The following PRKCZ variants were observed in gnomAD, a reference collection of about 807,000 sequenced individuals.
PRKCZ encodes protein kinase C zeta, also known as protein kinase C zeta type.
In PRKCZ, 33 loss-of-function variants were observed where a neutral mutation model predicts 79.5. The observed-to-expected ratio is 0.41, with a 90% CI of 0.31 to 0.55. The LOEUF (loss-of-function observed/expected upper bound fraction) is 0.55, where lower values mean the gene tolerates loss of function less well. Among genes scored for constraint, PRKCZ ranks in the 20% least tolerant of loss-of-function variants. PRKCZ has a pLI of 0.19. For missense variants in PRKCZ, 578 were observed against 813.5 expected, an observed-to-expected ratio of 0.71 and a Z score of 3.52; for synonymous variants, 342 against 320.9, an observed-to-expected ratio of 1.07 and a Z score of -0.70.
chr1:2,059,391 G>C, intron 3 of PRKCZ, 150 bp from the exon 4 acceptor site: 1 of 903,410 alleles, frequency 1.1e-6, no homozygotes, highest in South Asian at 1.5e-5. Flanking sequence ...GGGGTTTTGC[G>C]TCTCCCAGGA....
chr1:2,108,732 C>T (rs1450037681), intron 4 of PRKCZ, among the ~76,000 whole-genome samples: 3 of 152,242 alleles, frequency 2.0e-5, no homozygotes, highest in East Asian at 3.8e-4. Context: ...CACCCCCTGC[C>T]TGTCCGTCTT....
In PRKCZ at chr1:2,082,182, C is replaced by T. The variant is rs1663664923; in HGVS notation, c.334+22591C>T. ...ACGCGTCAGACGGGTTCTTTGCAGC[C>T]CTTGGCAGCGTCGCCCGCTCTGTCC... On this transcript the variant is annotated intron_variant, in intron 4 of 17. Coordinates refer to ENST00000378567, the MANE Select transcript of PRKCZ (RefSeq NM_002744.6). This position sits in a 1 kb window ranked among gnomAD's most constrained non-coding sequence, Gnocchi z 4.4. 2.0e-5 allele frequency: 7 copies of T among 348,560 alleles called. No homozygotes were observed. The highest frequency in any genetic ancestry group is 8.6e-5 in the African/African-American group (4 of 46,520). The allele number at this position is 348,560 out of a possible 1,614,324, so 21.6% of individuals were successfully genotyped here.
At chr1:2,132,802 G>T (rs565937941) in intron 4 of PRKCZ, among the ~76,000 whole-genome samples, 32 of 152,328 alleles carry the variant, frequency 2.1e-4, no homozygotes, top group African/African-American at 7.5e-4. Context: ...TCTCTGAGGG[G>T]CCTAGTGTGT....
chr1:2,107,750 T>C (rs1442294818), intron 4 of PRKCZ, among the ~76,000 whole-genome samples: 4 of 152,190 alleles, frequency 2.6e-5, no homozygotes, highest in Non-Finnish European at 5.9e-5. Context: ...CCTTCGGCAG[T>C]GTCGAGGGAG....
At chr1:2,059,475 C>T (rs1445467479) in intron 3 of PRKCZ, 66 bp from the exon 4 acceptor site, 1 of 1,587,414 alleles carries the variant, frequency 6.3e-7, no homozygotes. Context: ...GGCGGGACTT[C>T]CTCCGTGAGA....
chr1:2,090,951 TATC>T (rs1475593201), intron 4 of PRKCZ, among the ~76,000 whole-genome samples: 7 of 152,372 alleles, frequency 4.6e-5, no homozygotes, highest in East Asian at 3.9e-4. Context: ...ACGTCTTAAA[TATC>T]ATCTTTTCAA....
In PRKCZ at chr1:2,075,989, G is replaced by A. The variant is rs1020407081; in HGVS notation, c.334+16398G>A. On this transcript the variant is annotated intron_variant, in intron 4 of 17. Transcript: ENST00000378567. The surrounding 1 kb of genome is among the most constrained non-coding windows in gnomAD (Gnocchi z 4.8). Reference sequence around the variant, plus strand: ...GCGGGAGGACCATCCATGGGGTCAGGCACCAACCTCTGCTGAGGATCCCAA... The same window carrying A: ...GCGGGAGGACCATCCATGGGGTCAGACACCAACCTCTGCTGAGGATCCCAA... 1.3e-5 allele frequency among the ~76,000 whole-genome samples: 2 copies of A among 152,254 alleles called. No homozygotes were observed. Among genetic ancestry groups the A allele is most frequent in the Non-Finnish European group, 2.9e-5 (2 of 68,044 alleles).
At chr1:2,102,509 T>C (rs1178679380) in intron 4 of PRKCZ, among the ~76,000 whole-genome samples, 1 of 151,774 alleles carries the variant, frequency 6.6e-6, no homozygotes, top group East Asian at 1.9e-4. Context: ...ATTTTTTGTA[T>C]TTTTAGTAGA....
At chr1:2,062,593 G>A (rs1460318033) in intron 4 of PRKCZ, among the ~76,000 whole-genome samples, 2 of 150,844 alleles carry the variant, frequency 1.3e-5, no homozygotes, top group South Asian at 2.1e-4. Context: ...AGGCTCAAGC[G>A]GTCCTCATGC....
At chr1:2,063,399 A>G (rs1553130384) in intron 4 of PRKCZ, among the ~76,000 whole-genome samples, 1 of 151,776 alleles carries the variant, frequency 6.6e-6, no homozygotes, top group Non-Finnish European at 1.5e-5. Flanking sequence ...TGCAGCCTCC[A>G]TCTCCTGGGC....
At chr1:2,055,703 C>G in intron 2 of PRKCZ, 141 bp downstream of exon 2, 1 of 1,280,996 alleles carries the variant, frequency 7.8e-7, no homozygotes, top group Non-Finnish European at 1.0e-6. Context: ...CAACTTTTCC[C>G]CAGTGGGGAT....
At chr1:2,144,978 G>A (rs1292218114) in intron 6 of PRKCZ, 2 of 152,818 alleles carry the variant, frequency 1.3e-5, no homozygotes, top group Non-Finnish European at 2.9e-5. Flanking sequence ...GGTGTGTCTG[G>A]GGAGGGTGGC....
At chr1:2,099,671 G>A (rs888625716) in intron 4 of PRKCZ, among the ~76,000 whole-genome samples, 1 of 152,148 alleles carries the variant, frequency 6.6e-6, no homozygotes, top group Non-Finnish European at 1.5e-5. Context: ...ACAGAGGGGA[G>A]CTCACTGGAC....
At chr1:2,133,330 T>C (rs1675380551) in intron 4 of PRKCZ, among the ~76,000 whole-genome samples, 1 of 149,164 alleles carries the variant, frequency 6.7e-6, no homozygotes, top group Non-Finnish European at 1.5e-5. Flanking sequence ...GTCCCTCGGC[T>C]CCGCCCCCAG....
chr1:2,095,928 C>T (rs541770783), intron 4 of PRKCZ, among the ~76,000 whole-genome samples: 59 of 135,178 alleles, frequency 4.4e-4, no homozygotes, highest in Admixed American at 2.1e-3. Context: ...CCCTCCCTTC[C>T]CCTCTCCTCC....
At chr1:2,067,416 G>A (rs1661212712) in intron 4 of PRKCZ, among the ~76,000 whole-genome samples, 1 of 152,214 alleles carries the variant, frequency 6.6e-6, no homozygotes, top group Admixed American at 6.5e-5. Context: ...CACTGGTGGG[G>A]GCTGGGTCGT....
chr1:2,094,583 C>T lies in PRKCZ; in HGVS notation c.334+34992C>T, dbSNP rs1220786089. Among the ~76,000 whole-genome samples, 1 of 100,126 alleles carries T rather than the reference C, an allele frequency of 1.0e-5. No individual in the cohort carries two copies. The highest frequency in any genetic ancestry group is 5.5e-5 in the African/African-American group (1 of 18,180). 65.7% of individuals were successfully genotyped at this position (100,126 alleles called of 152,430 possible). A position where few individuals can be genotyped will look rare whatever the true frequency, so the allele number is the denominator to read the frequency against. The stretch of plus-strand genomic sequence containing the variant: ...CGATGAACCTTGGGCGCTGCCCGTT[C>T]TGAGGCGCCCGCTGTGCCCGGCTCG... On this transcript the variant is annotated intron_variant, in intron 4 of 17. Coordinates refer to ENST00000378567, the MANE Select transcript of PRKCZ (RefSeq NM_002744.6). The surrounding 1 kb of genome is among the most constrained non-coding windows in gnomAD (Gnocchi z 7.3).
chr1:2,055,733 A>G, intron 2 of PRKCZ, 171 bp downstream of exon 2: 1 of 991,582 alleles, frequency 1.0e-6, no homozygotes, highest in African/African-American at 1.7e-5. Context: ...GAGGTTGGCC[A>G]CAGATGCTTA....
intron 10 of PRKCZ, among the ~76,000 whole-genome samples, chr1:2,163,344 G>A (rs1682686527): frequency 6.6e-6 from 1 of 152,210 alleles, no homozygotes; most frequent in African/African-American, 2.4e-5. Flanking sequence ...CAGAGGAGCT[G>A]TCCCTGCCTG....
Sources: gnomAD v4.1 joint callset for allele counts (sites outside exome capture counted in the v4.1 genomes callset) on GRCh38, gnomAD v4.1.1 for gene constraint, Gnocchi (gnomAD v3.1) non-coding constraint, MANE v1.5 for transcripts, NCBI Gene and HGNC (gene_info 2026-07-23, HGNC 2026-07-21) for gene names.